The following LRFN2 variants were observed in gnomAD, a reference collection of about 807,000 sequenced individuals.
LRFN2 encodes the protein leucine-rich repeat and fibronectin type-III domain-containing protein 2.
LRFN2 carries 18 observed loss-of-function variants against 37.3 expected under a neutral mutation model. The observed-to-expected ratio is 0.48, with a 90% CI of 0.33 to 0.72. LRFN2 has a LOEUF of 0.72. Ranked by LOEUF, LRFN2 falls within the 30% of genes least tolerant of loss-of-function variation. The pLI is 0.02. For missense variants in LRFN2, 1,006 were observed against 1,060.7 expected (o/e 0.95, Z 0.72); for synonymous variants, 556 against 466.6 (o/e 1.19, Z -2.47).
In LRFN2 at chr6:40,485,782, A is replaced by G. The variant is rs140379870; in HGVS notation, c.-18-52651T>C. Among the ~76,000 whole-genome samples, 229 of 152,368 alleles carry G rather than the reference A, an allele frequency of 1.5e-3. 1 individual carries two copies. The highest frequency in any genetic ancestry group is 4.9e-3 in the African/African-American group (205 of 41,586). On this transcript the variant is annotated intron_variant, in intron 1 of 2. Transcript: ENST00000338305. ...GTCACTTGGTTATCATGGGCTGACC[A>G]GCCACGGGTCTTGATTTAAGTGCCC...
chr6:40,475,034 G>T (rs7771164), intron 1 of LRFN2, among the ~76,000 whole-genome samples: 5,671 of 152,242 alleles, frequency 0.037, 337 homozygotes, highest in African/African-American at 0.13. Context: ...TCTTATGGTT[G>T]TCGGAGACTA....
At chr6:40,542,396 A>G (rs742518) in intron 1 of LRFN2, among the ~76,000 whole-genome samples, 70,342 of 151,356 alleles carry the variant, frequency 0.46, 16,654 homozygotes, top group South Asian at 0.56. Context: ...GAACTCAGGA[A>G]GCAGGCTGAT....
intron 1 of LRFN2, among the ~76,000 whole-genome samples, chr6:40,513,189 G>A (rs943126983): frequency 6.6e-6 from 1 of 152,062 alleles, no homozygotes; most frequent in Non-Finnish European, 1.5e-5. Flanking sequence ...AAGGAATATA[G>A]CAGAACAATT....
At chr6:40,435,052 T>TATAGAGAGAG (rs1482968698) in intron 1 of LRFN2, among the ~76,000 whole-genome samples, 56 of 37,534 alleles carry the variant, frequency 1.5e-3, no homozygotes, top group Non-Finnish European at 2.2e-3. Flanking sequence ...TATATATATA[T>TATAGAGAGAG]AGAGAGAGAG....
At chr6:40,551,350 C>CATGA (rs1766775502) in intron 1 of LRFN2, among the ~76,000 whole-genome samples, 1 of 152,134 alleles carries the variant, frequency 6.6e-6, no homozygotes, top group Admixed American at 6.5e-5. Flanking sequence ...CCAGGGAGGA[C>CATGA]GTCAGCTCGA....
chr6:40,576,077 TAC>T (rs1388245984), intron 1 of LRFN2, among the ~76,000 whole-genome samples: 1 of 152,216 alleles, frequency 6.6e-6, no homozygotes, highest in African/African-American at 2.4e-5. Flanking sequence ...CTTCCTGAGC[TAC>T]AGTTTCCTCG....
chr6:40,543,634 T>C (rs1461643162), intron 1 of LRFN2, among the ~76,000 whole-genome samples: 4 of 152,202 alleles, frequency 2.6e-5, no homozygotes, highest in Non-Finnish European at 5.9e-5. Flanking sequence ...AATGTGGCTG[T>C]TTTCACAGAG....
At chr6:40,477,948 G>A (rs1429201865) in intron 1 of LRFN2, among the ~76,000 whole-genome samples, 1 of 152,220 alleles carries the variant, frequency 6.6e-6, no homozygotes, top group Non-Finnish European at 1.5e-5. Flanking sequence ...ATGTAACACA[G>A]ACGCAGCAAA....
Position 40,491,176 on chromosome 6 carries a change from G to A in LRFN2, c.-18-58045C>T, listed in dbSNP as rs111740312. 6.2e-3 allele frequency among the ~76,000 whole-genome samples: 937 copies of A among 152,320 alleles called. 8 individuals carry two copies. The highest frequency in any genetic ancestry group is 0.027 in the Middle Eastern group (8 of 294). ...AGAGCAGAAGAGGCTGTGACATACCGTCACCACGGATGCTCACCTGTTCTC... is the reference window on the plus strand; with the variant it reads ...AGAGCAGAAGAGGCTGTGACATACCATCACCACGGATGCTCACCTGTTCTC... On this transcript the variant is annotated intron_variant, in intron 1 of 2. Transcript: ENST00000338305.
At chr6:40,468,265 G>T (rs1194706211) in intron 1 of LRFN2, among the ~76,000 whole-genome samples, 1 of 152,044 alleles carries the variant, frequency 6.6e-6, no homozygotes, top group Non-Finnish European at 1.5e-5. Context: ...GCACTGGGAG[G>T]TCCCGGTAAT....
chr6:40,395,294 A>G (rs150779396), intron 2 of LRFN2, among the ~76,000 whole-genome samples: 158 of 152,312 alleles, frequency 1.0e-3, no homozygotes, highest in Non-Finnish European at 2.0e-3. Context: ...GAGACCTTTA[A>G]CACTAGCTTC....
intron 1 of LRFN2, among the ~76,000 whole-genome samples, chr6:40,540,533 G>A (rs1460342683): frequency 1.3e-5 from 2 of 152,160 alleles, no homozygotes; most frequent in African/African-American, 2.4e-5. Context: ...CAGTCAGGGA[G>A]CTTTCAGAGG....
intron 1 of LRFN2, among the ~76,000 whole-genome samples, chr6:40,505,065 C>T (rs1207816923): frequency 3.9e-5 from 6 of 152,184 alleles, no homozygotes; most frequent in African/African-American, 7.2e-5. Flanking sequence ...TTGGAGGGGA[C>T]AGTTGCCCGT....
At chr6:40,430,142 C>T (rs1244618262) in intron 2 of LRFN2, among the ~76,000 whole-genome samples, 19 of 152,178 alleles carry the variant, frequency 1.2e-4, no homozygotes, top group Non-Finnish European at 5.9e-5. Flanking sequence ...TGCACATATG[C>T]ATGTGGGTAA....
At chr6:40,443,681 C>T (rs1197168767) in intron 1 of LRFN2, among the ~76,000 whole-genome samples, 2 of 152,108 alleles carry the variant, frequency 1.3e-5, no homozygotes, top group Non-Finnish European at 2.9e-5. Flanking sequence ...CATTATCAGT[C>T]AGGGGCTTGA....
intron 1 of LRFN2, among the ~76,000 whole-genome samples, chr6:40,447,769 A>G (rs1764005118): frequency 6.6e-6 from 1 of 152,038 alleles, no homozygotes; most frequent in South Asian, 2.1e-4. Flanking sequence ...TGTTTAGATG[A>G]TGTACTCTGG....
intron 1 of LRFN2, among the ~76,000 whole-genome samples, chr6:40,546,239 G>T (rs751692019): frequency 6.6e-6 from 1 of 152,180 alleles, no homozygotes; most frequent in Non-Finnish European, 1.5e-5. Context: ...CCAGAGAAGC[G>T]GGGCCTTGAA....
chr6:40,495,159 C>T (rs1428393025), intron 1 of LRFN2, among the ~76,000 whole-genome samples: 1 of 152,162 alleles, frequency 6.6e-6, no homozygotes, highest in Non-Finnish European at 1.5e-5. Context: ...TCCATCATTC[C>T]TCAAATAATC....
At chr6:40,500,724 C>T (rs1324926675) in intron 1 of LRFN2, among the ~76,000 whole-genome samples, 2 of 152,190 alleles carry the variant, frequency 1.3e-5, no homozygotes, top group African/African-American at 2.4e-5. Context: ...AAATAATGTG[C>T]TACAAGAATA....
Sources: allele counts gnomAD v4.1 joint callset (sites outside exome capture counted in the v4.1 genomes callset), GRCh38; gene constraint gnomAD v4.1.1; transcripts MANE v1.5; gene names NCBI Gene and HGNC (gene_info 2026-07-23, HGNC 2026-07-21).